Variants in LIPA observed in about 807,000 individuals in gnomAD.
LIPA encodes the protein lysosomal acid lipase/cholesteryl ester hydrolase.
A neutral mutation model predicts 40.6 loss-of-function variants in LIPA; 26 were observed. The ratio of observed to expected loss-of-function variants is 0.64; its 90% CI spans 0.47 to 0.89. The LOEUF is 0.89. LIPA is among the 40% of genes least tolerant of loss of function. The pLI, the probability that LIPA is intolerant of heterozygous loss-of-function variation, is 0.00. For synonymous variants in LIPA, 188 were observed against 168.4 expected (o/e 1.12, Z -0.90); for missense variants, 455 against 479.6 (o/e 0.95, Z 0.48).
chr10:89,310,033 GC>G (rs982236879), intron 1 of LIPA, among the ~76,000 whole-genome samples: 3 of 152,178 alleles, frequency 2.0e-5, no homozygotes, highest in Admixed American at 2.0e-4. Flanking sequence ...AATGACCATT[GC>G]CCCTAAAACT....
intron 3 of LIPA, among the ~76,000 whole-genome samples, chr10:89,229,752 C>CAAAAA (rs11388104): frequency 5.2e-5 from 6 of 115,830 alleles, no homozygotes; most frequent in African/African-American, 1.9e-4. Context: ...GACTCAGTCT[C>CAAAAA]AAAAAAAAAA....
At chr10:89,327,964 C>A in intron 1 of LIPA, 2 of 1,105,438 alleles carry the variant, frequency 1.8e-6, no homozygotes, top group Non-Finnish European at 2.7e-6. Context: ...ACTCTCCCAC[C>A]CCTTTATATA....
intron 2 of LIPA, among the ~76,000 whole-genome samples, chr10:89,382,296 A>G (rs984935243): frequency 2.6e-5 from 4 of 152,220 alleles, no homozygotes; most frequent in African/African-American, 9.6e-5. Flanking sequence ...TCAAGTATAG[A>G]CTGTAAAGTA....
intron 1 of LIPA, among the ~76,000 whole-genome samples, chr10:89,274,420 G>A (rs549066217): frequency 1.3e-5 from 2 of 152,268 alleles, no homozygotes; most frequent in Admixed American, 6.5e-5. Context: ...GTATGTGTAC[G>A]GTGCCTGAGT....
intron 1 of LIPA, among the ~76,000 whole-genome samples, chr10:89,334,958 T>C (rs544249376): frequency 6.6e-6 from 1 of 152,316 alleles, no homozygotes; most frequent in East Asian, 1.9e-4. Flanking sequence ...TGAGGAAACC[T>C]TGGCAATTGG....
chr10:89,318,162 C>G (rs1183953152), intron 1 of LIPA, among the ~76,000 whole-genome samples: 1 of 152,142 alleles, frequency 6.6e-6, no homozygotes, highest in Non-Finnish European at 1.5e-5. Flanking sequence ...CATCAGCTAA[C>G]GAGCAAAATA....
chr10:89,337,874 T>C (rs556879814), intron 1 of LIPA, among the ~76,000 whole-genome samples: 1 of 152,344 alleles, frequency 6.6e-6, no homozygotes, highest in South Asian at 2.1e-4. Context: ...CAACTTACAA[T>C]TTTTCCAACC....
At chr10:89,338,866 C>G in intron 1 of LIPA, 2 of 1,614,124 alleles carry the variant, frequency 1.2e-6, no homozygotes, top group Non-Finnish European at 1.7e-6. Flanking sequence ...CGAGGCAGCC[C>G]TGGAATGCTT....
chr10:89,378,323 C>T (rs534536681), intron 2 of LIPA, among the ~76,000 whole-genome samples: 46 of 152,104 alleles, frequency 3.0e-4, no homozygotes, highest in Admixed American at 7.2e-4. Context: ...CTATTTAAGA[C>T]GATATGGGCA....
intron 1 of LIPA, among the ~76,000 whole-genome samples, chr10:89,262,745 AAGCACTCT>A (rs1199535350): frequency 1.2e-4 from 18 of 152,200 alleles, no homozygotes; most frequent in Admixed American, 2.6e-4. Flanking sequence ...AATGTTTGAG[AAGCACTCT>A]TTACAAGATT....
intron 1 of LIPA, chr10:89,328,010 C>T (rs1427951623): frequency 1.3e-6 from 2 of 1,595,668 alleles, no homozygotes; most frequent in Non-Finnish European, 1.7e-6. Context: ...GACAGGAAGA[C>T]TTCTGAAGAA....
chr10:89,320,766 C>T (rs1843566884), intron 1 of LIPA, among the ~76,000 whole-genome samples: 1 of 152,184 alleles, frequency 6.6e-6, no homozygotes, highest in Admixed American at 6.5e-5. Context: ...CCAAGACAAT[C>T]CTAAGCCAAA....
At chr10:89,355,601 C>T (rs1437121788) in intron 2 of LIPA, among the ~76,000 whole-genome samples, 1 of 152,188 alleles carries the variant, frequency 6.6e-6, no homozygotes, top group East Asian at 1.9e-4. Flanking sequence ...TACTGGGCTG[C>T]ACTCCCAAGA....
At chr10:89,331,563 G>A (rs756993703) in intron 1 of LIPA, among the ~76,000 whole-genome samples, 41 of 152,122 alleles carry the variant, frequency 2.7e-4, no homozygotes, top group Non-Finnish European at 4.1e-4. Flanking sequence ...ATATTCTTTT[G>A]TAAAGAGGTA....
intron 1 of LIPA, chr10:89,338,126 G>C (rs894015879): frequency 6.5e-6 from 1 of 153,610 alleles, no homozygotes; most frequent in African/African-American, 2.4e-5. Context: ...GGGTTTATCA[G>C]GATATAACCC....
intron 1 of LIPA, chr10:89,412,924 TGGAA>T (rs1296428036): frequency 3.1e-5 from 8 of 256,770 alleles, no homozygotes; most frequent in Non-Finnish European, 6.4e-5. Context: ...AAAAACCTAC[TGGAA>T]GGAACCAATT....
chr10:89,382,211 A>G (rs1168302411), intron 2 of LIPA, among the ~76,000 whole-genome samples: 1 of 152,208 alleles, frequency 6.6e-6, no homozygotes, highest in Non-Finnish European at 1.5e-5. Flanking sequence ...ATACATTGCC[A>G]TATAGAGAGT....
In LIPA at chr10:89,248,457, TTTA is replaced by T. The variant is rs1843066624; in HGVS notation, c.-1-811_-1-809del. Among the ~76,000 whole-genome samples, 344 of 42,306 alleles carry T rather than the reference TTTA, an allele frequency of 8.1e-3. 3 individuals are homozygous for T. Among genetic ancestry groups the T allele is most frequent in the African/African-American group, 0.023 (178 of 7,896 alleles). The allele number at this position is 42,306 out of a possible 152,430, so 27.8% of individuals were successfully genotyped here. A position where few individuals can be genotyped will look rare whatever the true frequency, so the allele number is the denominator to read the frequency against. On this transcript the variant is annotated intron_variant, in intron 1 of 9. Coordinates refer to ENST00000336233, the MANE Select transcript of LIPA (RefSeq NM_000235.4). ...TTATTATTTTATATTTATTTATTTA[TTTA>T]TTTATTTATTTATTTATTTATTTAT... is the stretch of plus-strand genomic sequence containing the variant.
intron 5 of LIPA, among the ~76,000 whole-genome samples, chr10:89,226,309 G>T (rs899411112): frequency 1.1e-4 from 16 of 152,192 alleles, no homozygotes; most frequent in African/African-American, 3.9e-4. Context: ...TAAGGTGTTA[G>T]TCATAGTAAA....
Sources: allele counts gnomAD v4.1 joint callset (sites outside exome capture counted in the v4.1 genomes callset), GRCh38; gene constraint gnomAD v4.1.1; transcripts MANE v1.5; gene names NCBI Gene and HGNC (gene_info 2026-07-23, HGNC 2026-07-21).